The following PSMA4 variants were observed in gnomAD, a reference collection of about 807,000 sequenced individuals.
PSMA4 encodes proteasome 20S subunit alpha 4.
A neutral mutation model predicts 37.2 loss-of-function variants in PSMA4; 8 were observed. That is an observed-to-expected ratio of 0.22 (90% confidence interval 0.13 to 0.39). PSMA4 has a LOEUF of 0.39. Among genes scored for constraint, PSMA4 ranks in the 10% least tolerant of loss-of-function variants. The pLI, the probability that PSMA4 is intolerant of heterozygous loss-of-function variation, is 1.00. For missense variants in PSMA4, 169 were observed against 305.1 expected (o/e 0.55, Z 3.32); for synonymous variants, 93 against 98.8 (o/e 0.94, Z 0.35).
In PSMA4 at chr15:78,549,672, C is replaced by G. The variant is rs962686037; in HGVS notation, c.*728C>G. On this transcript the variant is annotated 3_prime_UTR_variant, in exon 9 of 9. Coordinates refer to ENST00000044462, the MANE Select transcript of PSMA4 (RefSeq NM_002789.6). ...CAGATTCTGATGTCCCATCCCAGATCTACTGAATTAAAATCTCTGAGGGTG... is the reference window on the plus strand; with the variant it reads ...CAGATTCTGATGTCCCATCCCAGATGTACTGAATTAAAATCTCTGAGGGTG... 3 of 152,240 alleles carry G rather than the reference C, an allele frequency of 2.0e-5. No homozygotes were observed. The highest frequency in any genetic ancestry group is 7.2e-5 in the African/African-American group (3 of 41,468). 9.4% of individuals were successfully genotyped at this position (152,240 alleles called of 1,614,324 possible).
Position 78,541,904 on chromosome 15 carries a change from G to A in PSMA4, c.-23-1G>A. Reference sequence around the variant, plus strand: ...ATGATGATCTGATTTTCTTTTTACAGGAACTATATAAAGTTCAGAAAACAT... The same window carrying A: ...ATGATGATCTGATTTTCTTTTTACAAGAACTATATAAAGTTCAGAAAACAT... On this transcript the variant is annotated splice_acceptor_variant, in intron 1 of 8. Transcript: ENST00000044462. LOFTEE classifies it low-confidence loss of function (5UTR_SPLICE). The A allele has an allele frequency of 1.3e-6, 2 of 1,580,208 alleles. No homozygotes were observed. The highest frequency in any genetic ancestry group is 1.7e-6 in the Non-Finnish European group (2 of 1,152,340).
intron 1 of PSMA4, chr15:78,541,588 TCC>T (rs2052453994): frequency 2.9e-6 from 1 of 343,142 alleles, no homozygotes; most frequent in Non-Finnish European, 5.4e-6. Flanking sequence ...TTTCTGCCTC[TCC>T]CATCTCTGAT....
Position 78,546,598 on chromosome 15 carries a change from A to G in PSMA4, c.531A>G (p.Gln177=), listed in dbSNP as rs773451280. 1.9e-6 allele frequency: 3 copies of G among 1,595,554 alleles called. No homozygotes were observed. The highest frequency in any genetic ancestry group is 2.6e-6 in the Non-Finnish European group (3 of 1,175,340). The change falls in exon 8 of 9, where the codon CAA becomes CAG. Residue 177 remains glutamine (Q), a synonymous_variant. Transcript: ENST00000044462. The part of the protein sequence containing the change: ...NSAAAVSMLK[Q]DYKEGEMTLK... ...AGGCAGCTGTGTCAATGTTGAAACA[A>G]GACTATAAAGAAGGAGAAATGACCT...
At chr15:78,547,960 G>A (rs1438196588) in intron 8 of PSMA4, among the ~76,000 whole-genome samples, 1 of 151,664 alleles carries the variant, frequency 6.6e-6, no homozygotes, top group Admixed American at 6.6e-5. Context: ...CGGGCATATT[G>A]GCTCACGCCT....
At chr15:78,541,992 T>C in intron 2 of PSMA4, 62 bp downstream of exon 2, 1 of 1,555,200 alleles carries the variant, frequency 6.4e-7, no homozygotes, top group South Asian at 1.2e-5. Flanking sequence ...GTACTCAGTT[T>C]ACAGACTTGA....
At position 78,551,612 on chromosome 15, in the gene PSMA4, C is replaced by T. The variant is rs1383085577; in HGVS notation, c.*2668C>T. ...GGCATATTTGTTTCTTGTCTCTCCC[C>T]ACTGGAATACAGACTTCCAGAGCAG... On this transcript the variant is annotated 3_prime_UTR_variant, in exon 9 of 9. Transcript: ENST00000044462. 6.6e-6 allele frequency: 1 copy of T among 151,944 alleles called. No individual in the cohort carries two copies. The highest frequency in any genetic ancestry group is 1.5e-5 in the Non-Finnish European group (1 of 68,008). 9.4% of individuals were successfully genotyped at this position (151,944 alleles called of 1,614,324 possible). A position where few individuals can be genotyped will look rare whatever the true frequency, so the allele number is the denominator to read the frequency against.
intron 6 of PSMA4, 81 bp from the exon 7 acceptor site, chr15:78,545,553 G>A: frequency 2.0e-6 from 3 of 1,481,102 alleles, no homozygotes; most frequent in Non-Finnish European, 2.8e-6. Flanking sequence ...GTAGGGTTTA[G>A]CTACCTTCAC....
Position 78,549,077 on chromosome 15 carries a change from C to G in PSMA4, c.*133C>G. On this transcript the variant is annotated 3_prime_UTR_variant, in exon 9 of 9. Coordinates refer to ENST00000044462, the MANE Select transcript of PSMA4 (RefSeq NM_002789.6). ...AGGACATTACATACTGAATTGGGTCCTTGTCATTTCTGTCCAATTGAATAC... is the reference window on the plus strand; with the variant it reads ...AGGACATTACATACTGAATTGGGTCGTTGTCATTTCTGTCCAATTGAATAC... The G allele has an allele frequency of 7.9e-7, 1 of 1,271,026 alleles. No individual in the cohort carries two copies. The highest frequency in any genetic ancestry group is 1.0e-6 in the Non-Finnish European group (1 of 984,326). The allele number at this position is 1,271,026 out of a possible 1,614,324, so 78.7% of individuals were successfully genotyped here. A position where few individuals can be genotyped will look rare whatever the true frequency, so the allele number is the denominator to read the frequency against.
chr15:78,552,201 G>A lies in PSMA4; in HGVS notation c.*3257G>A, dbSNP rs190553936. ...CCTTAGCAATACACATCTGAACAGG[G>A]GCCCATCACTAATAGCAAGCATTTC... On this transcript the variant is annotated 3_prime_UTR_variant, in exon 9 of 9. Coordinates refer to ENST00000044462, the MANE Select transcript of PSMA4 (RefSeq NM_002789.6). 1 of 152,152 alleles carries A rather than the reference G, an allele frequency of 6.6e-6. No homozygotes were observed. Among genetic ancestry groups the A allele is most frequent in the East Asian group, 1.9e-4 (1 of 5,180 alleles). 9.4% of individuals were successfully genotyped at this position (152,152 alleles called of 1,614,324 possible).
chr15:78,546,458 A>G (rs2052554260), intron 7 of PSMA4, 117 bp from the exon 8 acceptor site: 2 of 971,318 alleles, frequency 2.1e-6, no homozygotes, highest in African/African-American at 1.7e-5. Flanking sequence ...CAAAAAAAAA[A>G]AAAAAATTGT....
chr15:78,543,932 G>T, intron 4 of PSMA4: 1 of 332,598 alleles, frequency 3.0e-6, no homozygotes, highest in Non-Finnish European at 5.5e-6. Flanking sequence ...CGTTAATTTT[G>T]TTATCCTATT....
intron 6 of PSMA4, 37 bp from the exon 7 acceptor site, chr15:78,545,597 G>C (rs769642878): frequency 6.2e-7 from 1 of 1,602,614 alleles, no homozygotes; most frequent in African/African-American, 1.3e-5. Flanking sequence ...ACTAAATTTA[G>C]ATTATTGATA....
chr15:78,549,606 G>A lies in PSMA4; in HGVS notation c.*662G>A, dbSNP rs2052615499. ...CATGACAGAAGTGATACAGGGCAGTGGTACTTAATGCGTAGCCATGGTGCT... is the reference window on the plus strand; with the variant it reads ...CATGACAGAAGTGATACAGGGCAGTAGTACTTAATGCGTAGCCATGGTGCT... On this transcript the variant is annotated 3_prime_UTR_variant, in exon 9 of 9. Coordinates refer to ENST00000044462, the MANE Select transcript of PSMA4 (RefSeq NM_002789.6). The A allele has an allele frequency of 6.6e-6, 1 of 152,212 alleles. No homozygotes were observed. Among genetic ancestry groups the A allele is most frequent in the African/African-American group, 2.4e-5 (1 of 41,458 alleles). The allele number at this position is 152,212 out of a possible 1,614,324, so 9.4% of individuals were successfully genotyped here.
At chr15:78,548,765 A>G (rs778874180) in intron 8 of PSMA4, 25 bp from the exon 9 acceptor site, 264 of 1,594,884 alleles carry the variant, frequency 1.7e-4, no homozygotes, top group Non-Finnish European at 2.2e-4. Context: ...CTGCAATACA[A>G]ATAAATGTAT....
intron 1 of PSMA4, chr15:78,541,585 C>A: frequency 3.0e-6 from 1 of 334,694 alleles, no homozygotes; most frequent in Non-Finnish European, 5.6e-6. Context: ...TTATTTCTGC[C>A]TCTCCCATCT....
intron 6 of PSMA4, 72 bp from the exon 7 acceptor site, chr15:78,545,562 A>G: frequency 6.6e-7 from 1 of 1,520,664 alleles, no homozygotes; most frequent in South Asian, 1.1e-5. Flanking sequence ...AGCTACCTTC[A>G]CTGAGCTCAA....
rs1458992252 is a variant in PSMA4 at position 78,544,867 on chromosome 15, A to G, written c.288-2A>G. ...ACTAATGTGCCCATCTCTTTATCCT[A>G]GGTATTTATTACAGTATCAGGAGCC... On this transcript the variant is annotated splice_acceptor_variant, in intron 5 of 8. Transcript: ENST00000044462. LOFTEE classifies it high-confidence loss of function. The G allele has an allele frequency of 3.1e-6, 5 of 1,591,030 alleles. No homozygotes were observed. Among genetic ancestry groups the G allele is most frequent in the Non-Finnish European group, 4.3e-6 (5 of 1,160,440 alleles).
chr15:78,547,521 C>T (rs192207489), intron 8 of PSMA4, among the ~76,000 whole-genome samples: 12 of 152,324 alleles, frequency 7.9e-5, no homozygotes, highest in African/African-American at 2.6e-4. Context: ...CCTTGTTCAA[C>T]TTAAGCTATA....
chr15:78,541,543 G>T, intron 1 of PSMA4: 1 of 275,142 alleles, frequency 3.6e-6, no homozygotes, highest in Non-Finnish European at 7.0e-6. Context: ...TTCTTCCCCT[G>T]TTCTTTCTCT....
Sources: allele counts gnomAD v4.1 joint callset (sites outside exome capture counted in the v4.1 genomes callset), GRCh38; gene constraint gnomAD v4.1.1; transcripts MANE v1.5; gene names NCBI Gene and HGNC (gene_info 2026-07-23, HGNC 2026-07-21).